Variants in PRRX1 observed in about 807,000 individuals in gnomAD.
The protein encoded by PRRX1 is paired mesoderm homeobox protein 1.
In PRRX1, 8 loss-of-function variants were observed where a neutral mutation model predicts 24.0. The ratio of observed to expected loss-of-function variants is 0.33; its 90% confidence interval spans 0.20 to 0.60. The LOEUF (loss-of-function observed/expected upper bound fraction) is 0.60. Among genes scored for constraint, PRRX1 ranks in the 20% least tolerant of loss-of-function variants. The pLI is 0.82. For missense variants in PRRX1, 281 were observed against 322.4 expected (o/e 0.87, Z 0.98); for synonymous variants, 160 against 131.7 (o/e 1.22, Z -1.47).
chr1:170,704,590 A>G (rs1654497724), intron 1 of PRRX1, among the ~76,000 whole-genome samples: 1 of 152,208 alleles, frequency 6.6e-6, no homozygotes, highest in African/African-American at 2.4e-5. Flanking sequence ...TTGAGAAGCA[A>G]GATAGACTTT....
intron 1 of PRRX1, among the ~76,000 whole-genome samples, chr1:170,702,696 C>T (rs961211078): frequency 1.3e-5 from 2 of 152,114 alleles, no homozygotes; most frequent in African/African-American, 2.4e-5. Flanking sequence ...AAAGGGTAAA[C>T]GCTCAAATTT....
intron 1 of PRRX1, among the ~76,000 whole-genome samples, chr1:170,698,764 A>G (rs1654255897): frequency 6.6e-6 from 1 of 152,202 alleles, no homozygotes; most frequent in Non-Finnish European, 1.5e-5. Context: ...TCTTTCTGCC[A>G]AAACCTTGTC....
At chr1:170,687,043 C>A (rs1653767678) in intron 1 of PRRX1, among the ~76,000 whole-genome samples, 1 of 147,032 alleles carries the variant, frequency 6.8e-6, no homozygotes. Context: ...CAGAGTACCA[C>A]AAGGTTAAAC....
intron 1 of PRRX1, among the ~76,000 whole-genome samples, chr1:170,709,661 G>C (rs1362987629): frequency 6.6e-6 from 1 of 152,120 alleles, no homozygotes; most frequent in Non-Finnish European, 1.5e-5. Flanking sequence ...GTATCTTGAA[G>C]TGCAGACAAC....
At chr1:170,704,041 T>C (rs1238429655) in intron 1 of PRRX1, among the ~76,000 whole-genome samples, 1 of 152,232 alleles carries the variant, frequency 6.6e-6, no homozygotes, top group African/African-American at 2.4e-5. Context: ...ACTTACCCAC[T>C]GACCATTTTT....
In PRRX1 at chr1:170,701,273, T is replaced by C. The variant is rs112512106; in HGVS notation, c.242-18453T>C. On this transcript the variant is annotated intron_variant, in intron 1 of 3. Transcript: ENST00000239461. ...ATTTTTGAAGTTACTTGCTTATATA[T>C]CTGTTTTTCTTCACTAAATTTTGAG... Among the ~76,000 whole-genome samples the C allele has an allele frequency of 1.1e-3, 164 of 152,346 alleles. 1 individual carries two copies. The highest frequency in any genetic ancestry group is 3.7e-3 in the African/African-American group (153 of 41,584).
chr1:170,685,533 A>G (rs1027162146), intron 1 of PRRX1, among the ~76,000 whole-genome samples: 3 of 152,216 alleles, frequency 2.0e-5, no homozygotes, highest in Non-Finnish European at 4.4e-5. Context: ...ATAGATGGAG[A>G]CTAAAAGATT....
intron 1 of PRRX1, among the ~76,000 whole-genome samples, chr1:170,697,405 G>C (rs1654205983): frequency 1.3e-5 from 2 of 151,880 alleles, no homozygotes; most frequent in Admixed American, 1.3e-4. Context: ...TTATTGACTT[G>C]CCTGTATTTT....
In PRRX1 at chr1:170,664,458, C is replaced by G; in HGVS notation, c.240C>G (p.Asp80Glu). The G allele has an allele frequency of 6.3e-7, 1 of 1,599,638 alleles. No homozygotes were observed. The highest frequency in any genetic ancestry group is 1.7e-5 in the Admixed American group (1 of 57,704). The change falls in exon 1 of 4, where the codon GAC becomes GAG. Residue 80 changes from aspartate to glutamate, a missense_variant and splice_region_variant. Asp to Glu is a conservative substitution (Grantham distance 45). Transcript: ENST00000239461. ...GCGGCAGCGACACCCCGCAGCAGGA[C>G]AGTGAGTGAGGGGCGCATGCCCACG... Reference protein sequence around the residue: ...LTSGSDTPQQDNDQLNSEEKK... With the variant: ...LTSGSDTPQQENDQLNSEEKK...
chr1:170,727,889 C>T (rs1285150902), intron 3 of PRRX1: 1 of 152,032 alleles, frequency 6.6e-6, no homozygotes, highest in East Asian at 1.9e-4. Flanking sequence ...TTTTTGAAGA[C>T]CACTGTAAAA....
chr1:170,678,275 A>G (rs1004363538), intron 1 of PRRX1, among the ~76,000 whole-genome samples: 2 of 152,242 alleles, frequency 1.3e-5, no homozygotes, highest in Non-Finnish European at 2.9e-5. Flanking sequence ...TATATCATGA[A>G]ACATCCAGGA....
intron 1 of PRRX1, among the ~76,000 whole-genome samples, chr1:170,707,365 G>A (rs749601786): frequency 6.6e-6 from 1 of 151,910 alleles, no homozygotes; most frequent in Admixed American, 6.6e-5. Flanking sequence ...CAGCTGAATA[G>A]CAAGAAAGGA....
At chr1:170,699,796 C>T (rs529444497) in intron 1 of PRRX1, among the ~76,000 whole-genome samples, 29 of 152,082 alleles carry the variant, frequency 1.9e-4, no homozygotes, top group African/African-American at 6.5e-4. Context: ...AGTGTGGTGG[C>T]GTGATCTAGG....
intron 3 of PRRX1, chr1:170,728,996 G>A (rs1407344145): frequency 1.3e-5 from 2 of 152,156 alleles, no homozygotes; most frequent in Non-Finnish European, 2.9e-5. Flanking sequence ...TCATTAAAAG[G>A]CATTTCTCTT....
rs575268204 is a variant in PRRX1, at chr1:170,664,450, C to A, written c.232C>A (p.Gln78Lys). 6.2e-6 allele frequency: 10 copies of A among 1,602,134 alleles called. No homozygotes were observed. The South Asian group carries it at 9.0e-5, about 14-fold the overall frequency. ...ACTCACCAGCGGCAGCGACACCCCG[C>A]AGCAGGACAGTGAGTGAGGGGCGCA... is the stretch of plus-strand genomic sequence containing the variant. ...PGLTSGSDTP[Q>K]QDNDQLNSEE... Residue 78 changes from glutamine (Q) to lysine (K), a missense_variant, in exon 1 of 4, where the codon CAG (glutamine) becomes AAG (lysine). Transcript: ENST00000239461.
intron 1 of PRRX1, chr1:170,668,442 A>G (rs1188897755): frequency 2.0e-5 from 3 of 152,260 alleles, no homozygotes; most frequent in African/African-American, 7.2e-5. Flanking sequence ...AAAGTCAATT[A>G]GACACGCGCG....
At chr1:170,724,766 C>T (rs1026101206) in intron 2 of PRRX1, among the ~76,000 whole-genome samples, 4 of 152,164 alleles carry the variant, frequency 2.6e-5, no homozygotes, top group African/African-American at 9.7e-5. Flanking sequence ...GCCATACGGG[C>T]TCTTTTTCGT....
chr1:170,721,493 C>T (rs1655084016), intron 2 of PRRX1, among the ~76,000 whole-genome samples: 1 of 152,030 alleles, frequency 6.6e-6, no homozygotes, highest in South Asian at 2.1e-4. Flanking sequence ...CCTAGTGCTC[C>T]CTTCAGCCTG....
intron 1 of PRRX1, among the ~76,000 whole-genome samples, chr1:170,678,202 CT>C (rs1290181217): frequency 6.6e-6 from 1 of 152,194 alleles, no homozygotes; most frequent in East Asian, 1.9e-4. Flanking sequence ...GATATGTGAC[CT>C]GTTTTCATAC....
Sources: gnomAD v4.1 joint callset for allele counts (sites outside exome capture counted in the v4.1 genomes callset) on GRCh38, gnomAD v4.1.1 for gene constraint, MANE v1.5 for transcripts, NCBI Gene and HGNC (gene_info 2026-07-23, HGNC 2026-07-21) for gene names.